The following CAMKMT variants were observed in gnomAD, a reference collection of about 807,000 sequenced individuals.
CAMKMT encodes the protein CaM KMT.
A neutral mutation model predicts 48.0 loss-of-function variants in CAMKMT; 53 were observed. The ratio of observed to expected loss-of-function variants is 1.10; its 90% CI spans 0.89 to 1.39. CAMKMT has a LOEUF of 1.39. CAMKMT is among the 40% of genes most tolerant of loss of function. The probability of loss-of-function intolerance (pLI) is 0.00; values close to 1 mark genes in which losing one functional copy is unlikely to be tolerated. For synonymous variants in CAMKMT, 165 were observed against 152.3 expected (o/e 1.08, Z -0.61); for missense variants, 428 against 402.7 (o/e 1.06, Z -0.54).
At chr2:44,476,456 C>G (rs1442710063) in intron 3 of CAMKMT, among the ~76,000 whole-genome samples, 1 of 151,926 alleles carries the variant, frequency 6.6e-6, no homozygotes, top group Admixed American at 6.6e-5. Context: ...GAGTCCTTTT[C>G]TTGCTGTGAA....
intron 3 of CAMKMT, among the ~76,000 whole-genome samples, chr2:44,396,416 A>T (rs890175189): frequency 6.6e-6 from 1 of 152,336 alleles, no homozygotes; most frequent in Middle Eastern, 3.4e-3. Context: ...AGACAATCTG[A>T]AAACCTGTAA....
intron 3 of CAMKMT, among the ~76,000 whole-genome samples, chr2:44,578,777 A>G (rs544401917): frequency 1.3e-5 from 2 of 152,334 alleles, no homozygotes; most frequent in African/African-American, 4.8e-5. Context: ...AAAAGCAACA[A>G]AAAGCAATCA....
chr2:44,549,340 A>G (rs951725487), intron 3 of CAMKMT, among the ~76,000 whole-genome samples: 4 of 151,658 alleles, frequency 2.6e-5, no homozygotes, highest in African/African-American at 9.7e-5. Context: ...CCAGATTACT[A>G]TGATTATAGT....
intron 3 of CAMKMT, among the ~76,000 whole-genome samples, chr2:44,575,886 G>T (rs181897288): frequency 6.6e-6 from 1 of 152,042 alleles, no homozygotes; most frequent in Admixed American, 6.5e-5. Flanking sequence ...TTAAGTGCTT[G>T]TAAAGTATGA....
chr2:44,480,300 T>G (rs1365765659), intron 3 of CAMKMT, among the ~76,000 whole-genome samples: 2 of 152,152 alleles, frequency 1.3e-5, no homozygotes, highest in Admixed American at 6.5e-5. Flanking sequence ...AGTGGGTCAC[T>G]TGCACACACA....
Position 44,766,439 on chromosome 2 carries a change from A to G in CAMKMT, c.772A>G (p.Met258Val). The G allele has an allele frequency of 6.2e-7, 1 of 1,614,086 alleles. No homozygotes were observed. The highest frequency in any genetic ancestry group is 8.5e-7 in the Non-Finnish European group (1 of 1,179,994). The change falls in exon 10 of 11, where the codon ATG (methionine) becomes GTG (valine). Residue 258 changes from methionine to valine, a missense_variant. Transcript: ENST00000378494. ...KRLLQPRGKAMVFAPRRGNTL... is the reference protein window; with the variant it reads ...KRLLQPRGKAVVFAPRRGNTL... Reference sequence around the variant, plus strand: ...CTTTTTACTGTTCTAGGGGAAAGCGATGGTATTTGCCCCACGCCGAGGGAA... The same window carrying G: ...CTTTTTACTGTTCTAGGGGAAAGCGGTGGTATTTGCCCCACGCCGAGGGAA...
intron 3 of CAMKMT, among the ~76,000 whole-genome samples, chr2:44,556,503 C>A (rs1332714942): frequency 1.0e-4 from 2 of 19,558 alleles, no homozygotes; most frequent in East Asian, 4.3e-4. Context: ...CGCTCTGTCG[C>A]CCAGGTCGGA....
chr2:44,742,771 A>G (rs1679750346), intron 7 of CAMKMT, among the ~76,000 whole-genome samples: 1 of 152,212 alleles, frequency 6.6e-6, no homozygotes, highest in Admixed American at 6.5e-5. Context: ...GAAGAAATGA[A>G]TCCACCAAAA....
intron 3 of CAMKMT, among the ~76,000 whole-genome samples, chr2:44,629,517 T>A (rs1003754887): frequency 2.0e-5 from 3 of 147,768 alleles, no homozygotes; most frequent in Admixed American, 6.8e-5. Flanking sequence ...CTCACTGCAA[T>A]CTCCACCTCC....
chr2:44,365,434 C>G (rs1012690897), intron 1 of CAMKMT, among the ~76,000 whole-genome samples: 1 of 152,144 alleles, frequency 6.6e-6, no homozygotes, highest in African/African-American at 2.4e-5. Context: ...TAGATGAGGT[C>G]TGGAAGATGA....
intron 9 of CAMKMT, among the ~76,000 whole-genome samples, chr2:44,755,423 A>AT (rs368719673): frequency 9.9e-4 from 151 of 152,242 alleles, no homozygotes; most frequent in African/African-American, 3.5e-3. Flanking sequence ...CAAGACTAGG[A>AT]TTTTCAGGGG....
At chr2:44,639,583 T>C (rs1673331982) in intron 3 of CAMKMT, among the ~76,000 whole-genome samples, 1 of 152,234 alleles carries the variant, frequency 6.6e-6, no homozygotes, top group African/African-American at 2.4e-5. Context: ...TTTAGCTTAG[T>C]GCCTGATATT....
rs1209145136 is a variant in CAMKMT, at chr2:44,361,984, C to G, written c.-24C>G. On this transcript the variant is annotated 5_prime_UTR_variant, in exon 1 of 11. Transcript: ENST00000378494. ...GGGACGAGCTGCGGCGGTGGCACCT[C>G]CGGGTGTGGAAGGCTCCAGTGAGAT... The G allele has an allele frequency of 2.9e-6, 4 of 1,370,286 alleles. No homozygotes were observed. Among genetic ancestry groups the G allele is most frequent in the South Asian group, 1.7e-5 (1 of 58,426 alleles). 84.9% of individuals were successfully genotyped at this position (1,370,286 alleles called of 1,614,324 possible). A position where few individuals can be genotyped will look rare whatever the true frequency, so the allele number is the denominator to read the frequency against.
intron 3 of CAMKMT, among the ~76,000 whole-genome samples, chr2:44,621,952 A>T (rs1001085344): frequency 1.3e-5 from 2 of 152,208 alleles, no homozygotes; most frequent in African/African-American, 2.4e-5. Flanking sequence ...AAATACATGA[A>T]TTCAAGATGT....
chr2:44,743,154 T>C (rs1419864488), intron 7 of CAMKMT, among the ~76,000 whole-genome samples: 1 of 152,218 alleles, frequency 6.6e-6, no homozygotes, highest in African/African-American at 2.4e-5. Context: ...TTGACTCTTC[T>C]TTTCTTCCAT....
At chr2:44,770,142 G>A (rs1158888929) in intron 10 of CAMKMT, among the ~76,000 whole-genome samples, 2 of 152,170 alleles carry the variant, frequency 1.3e-5, no homozygotes, top group Non-Finnish European at 2.9e-5. Context: ...TGGGTAAATG[G>A]AATTATTCTT....
At chr2:44,722,906 C>G (rs1446267621) in intron 7 of CAMKMT, among the ~76,000 whole-genome samples, 1 of 152,126 alleles carries the variant, frequency 6.6e-6, no homozygotes, top group African/African-American at 2.4e-5. Context: ...CTTTCTAGTC[C>G]TCTTTAACCA....
At chr2:44,588,670 GCCAGCCGC>G (rs1670064268) in intron 3 of CAMKMT, among the ~76,000 whole-genome samples, 1 of 42,920 alleles carries the variant, frequency 2.3e-5, no homozygotes, top group African/African-American at 1.0e-4. Context: ...CCCCCGCCCG[GCCAGCCGC>G]CCAGTCCGGG....
intron 3 of CAMKMT, among the ~76,000 whole-genome samples, chr2:44,501,391 A>T (rs1669999581): frequency 6.6e-6 from 1 of 152,188 alleles, no homozygotes; most frequent in Non-Finnish European, 1.5e-5. Flanking sequence ...CAGAGAATAT[A>T]AAGGAACAAT....
Sources: allele counts gnomAD v4.1 joint callset (sites outside exome capture counted in the v4.1 genomes callset), GRCh38; gene constraint gnomAD v4.1.1; transcripts MANE v1.5; gene names NCBI Gene and HGNC (gene_info 2026-07-23, HGNC 2026-07-21).